Variants in FHIT observed in about 807,000 individuals in gnomAD.
FHIT encodes bis(5'-adenosyl)-triphosphatase.
Under a neutral mutation model 17.9 loss-of-function variants are expected in FHIT, and 19 were observed. The observed-to-expected ratio is 1.06, with a 90% CI of 0.74 to 1.56. The LOEUF is 1.56. Ranked by LOEUF, FHIT falls within the 40% of genes most tolerant of loss-of-function variation. The pLI, the probability that FHIT is intolerant of heterozygous loss-of-function variation, is 0.00. For missense variants in FHIT, 248 were observed against 189.2 expected, an observed-to-expected ratio of 1.31 and a Z score of -1.82; for synonymous variants, 81 against 69.7, an observed-to-expected ratio of 1.16 and a Z score of -0.81.
In FHIT at chr3:61,083,751, T is replaced by C. The variant is rs548493043; in HGVS notation, c.-163-41652A>G. Among the ~76,000 whole-genome samples the C allele has an allele frequency of 2.6e-5, 4 of 152,120 alleles. No individual in the cohort carries two copies. In the South Asian group the frequency reaches 8.3e-4, roughly 32 times the overall value. ...TATCAATGGAATTATATGATATGTG[T>C]TTTTTTTATTTTGTTTTTGTGACTG... On this transcript the variant is annotated intron_variant, in intron 2 of 9. Coordinates refer to ENST00000492590, the MANE Select transcript of FHIT (RefSeq NM_002012.4).
chr3:59,896,433 G>A (rs902361427), intron 8 of FHIT, among the ~76,000 whole-genome samples: 1 of 152,084 alleles, frequency 6.6e-6, no homozygotes, highest in African/African-American at 2.4e-5. Context: ...ATTTAACTGC[G>A]ATCAATTCAA....
intron 5 of FHIT, among the ~76,000 whole-genome samples, chr3:60,491,297 T>A (rs1021964491): frequency 1.1e-4 from 17 of 151,940 alleles, no homozygotes; most frequent in Admixed American, 2.0e-4. Context: ...ACACACCCAC[T>A]CCCTTACACA....
chr3:60,638,230 G>A (rs1336001318), intron 4 of FHIT, among the ~76,000 whole-genome samples: 1 of 152,132 alleles, frequency 6.6e-6, no homozygotes, highest in African/African-American at 2.4e-5. Flanking sequence ...AACACGACAT[G>A]GAGGGAACGT....
chr3:59,889,449 A>C (rs1173424642), intron 8 of FHIT, among the ~76,000 whole-genome samples: 2 of 152,228 alleles, frequency 1.3e-5, no homozygotes, highest in Non-Finnish European at 2.9e-5. Context: ...TCCTCAGATA[A>C]ATGAAGCCTC....
rs11928556 is a variant in FHIT, at chr3:60,754,551, A to G, written c.-18+67368T>C. Among the ~76,000 whole-genome samples the G allele has an allele frequency of 2.1e-3, 320 of 152,268 alleles. 1 individual carries two copies. The highest frequency in any genetic ancestry group is 8.9e-3 in the South Asian group (43 of 4,822). ...GAGGCTGAAGCAGGAGAATGGCTTG[A>G]ACACAGGAGGCAGAGGTTGCGGTGA... On this transcript the variant is annotated intron_variant, in intron 4 of 9. Coordinates refer to ENST00000492590, the MANE Select transcript of FHIT (RefSeq NM_002012.4).
intron 2 of FHIT, among the ~76,000 whole-genome samples, chr3:61,075,491 G>A (rs549764708): frequency 6.6e-6 from 1 of 152,084 alleles, no homozygotes; most frequent in South Asian, 2.1e-4. Flanking sequence ...GGAAGATTAG[G>A]AAGACCATTG....
At position 60,947,417 on chromosome 3, in the gene FHIT, A is replaced by G. The variant is rs575979828; in HGVS notation, c.-111+94630T>C. On this transcript the variant is annotated intron_variant, in intron 3 of 9. Coordinates refer to ENST00000492590, the MANE Select transcript of FHIT (RefSeq NM_002012.4). ...CCTTCCCTCCAAAGACTGGCTATCTATATCTAACAAAGGAAAATGTAACAT... is the reference window on the plus strand; with the variant it reads ...CCTTCCCTCCAAAGACTGGCTATCTGTATCTAACAAAGGAAAATGTAACAT... Among the ~76,000 whole-genome samples, 261 of 152,332 alleles carry G rather than the reference A, an allele frequency of 1.7e-3. 2 individuals are homozygous for G. Among genetic ancestry groups the G allele is most frequent in the African/African-American group, 6.2e-3 (258 of 41,580 alleles).
chr3:60,326,839 T>C (rs1223083841), intron 5 of FHIT, among the ~76,000 whole-genome samples: 2 of 152,204 alleles, frequency 1.3e-5, no homozygotes, highest in African/African-American at 2.4e-5. Context: ...AATGTAAAAA[T>C]GCTTTCTGGA....
chr3:59,838,773 T>C (rs1701426377), intron 8 of FHIT, among the ~76,000 whole-genome samples: 1 of 152,130 alleles, frequency 6.6e-6, no homozygotes, highest in South Asian at 2.1e-4. Context: ...CAAAAGTACT[T>C]GTACACATTC....
At chr3:61,108,014 ATGTAAG>A (rs1190474597) in intron 2 of FHIT, among the ~76,000 whole-genome samples, 12 of 152,226 alleles carry the variant, frequency 7.9e-5, no homozygotes, top group Non-Finnish European at 1.8e-4. Flanking sequence ...AACTTAAAAT[ATGTAAG>A]GAGGCAGCTT....
At chr3:59,981,390 C>T (rs943099477) in intron 7 of FHIT, among the ~76,000 whole-genome samples, 1 of 152,102 alleles carries the variant, frequency 6.6e-6, no homozygotes, top group Non-Finnish European at 1.5e-5. Flanking sequence ...AGGCAAAGGG[C>T]CTTCTGAAAA....
At chr3:60,055,329 C>T (rs1209107648) in intron 5 of FHIT, among the ~76,000 whole-genome samples, 2 of 152,068 alleles carry the variant, frequency 1.3e-5, no homozygotes, top group Non-Finnish European at 2.9e-5. Flanking sequence ...CATAAAAATG[C>T]CTGTCAAACA....
intron 5 of FHIT, among the ~76,000 whole-genome samples, chr3:60,467,984 T>C (rs546998080): frequency 6.6e-6 from 1 of 152,230 alleles, no homozygotes; most frequent in Non-Finnish European, 1.5e-5. Context: ...CAGTGTTGGG[T>C]GCATATATAT....
At chr3:61,028,638 T>C (rs1006695282) in intron 3 of FHIT, among the ~76,000 whole-genome samples, 6 of 152,176 alleles carry the variant, frequency 3.9e-5, no homozygotes, top group African/African-American at 1.4e-4. Context: ...CTCTGCTTCT[T>C]AATCTAAAAA....
intron 8 of FHIT, among the ~76,000 whole-genome samples, chr3:59,867,860 T>C (rs1215738656): frequency 2.0e-5 from 3 of 151,882 alleles, no homozygotes; most frequent in African/African-American, 7.3e-5. Context: ...CCTATTGTGG[T>C]CAGAAGGCAG....
chr3:60,388,254 C>T (rs1054680116), intron 5 of FHIT, among the ~76,000 whole-genome samples: 1 of 152,132 alleles, frequency 6.6e-6, no homozygotes, highest in African/African-American at 2.4e-5. Context: ...TGATGAATAA[C>T]TCACCTCAAA....
At chr3:60,202,016 G>A (rs1049859334) in intron 5 of FHIT, among the ~76,000 whole-genome samples, 24 of 152,108 alleles carry the variant, frequency 1.6e-4, no homozygotes, top group African/African-American at 5.6e-4. Flanking sequence ...GATACTCCAG[G>A]AACAAAGAGG....
chr3:59,766,559 C>T (rs1476973195), intron 8 of FHIT, among the ~76,000 whole-genome samples: 1 of 152,198 alleles, frequency 6.6e-6, no homozygotes, highest in Non-Finnish European at 1.5e-5. Context: ...TTCTCCTCTC[C>T]ATAAATGTGC....
chr3:61,157,272 G>A (rs571097563), intron 2 of FHIT, among the ~76,000 whole-genome samples: 2 of 152,264 alleles, frequency 1.3e-5, no homozygotes, highest in Admixed American at 6.5e-5. Flanking sequence ...GTGGATGAAA[G>A]TAAGATGTGA....
Sources: gnomAD v4.1 joint callset for allele counts (sites outside exome capture counted in the v4.1 genomes callset) on GRCh38, gnomAD v4.1.1 for gene constraint, MANE v1.5 for transcripts, NCBI Gene and HGNC (gene_info 2026-07-23, HGNC 2026-07-21) for gene names.